Variants in IMPG1 observed in about 807,000 individuals in gnomAD.
IMPG1 encodes the protein interphotoreceptor matrix proteoglycan of 150 kDa.
A neutral mutation model predicts 92.0 loss-of-function variants in IMPG1; 85 were observed. The ratio of observed to expected loss-of-function variants is 0.92; its 90% CI spans 0.78 to 1.11. The LOEUF (loss-of-function observed/expected upper bound fraction) is 1.11. Among genes scored for constraint, IMPG1 ranks in the 50% least tolerant of loss-of-function variants. The pLI is 0.00. For synonymous variants in IMPG1, 367 were observed against 334.1 expected, an observed-to-expected ratio of 1.10 and a Z score of -1.08; for missense variants, 1,022 against 956.0, an observed-to-expected ratio of 1.07 and a Z score of -0.91.
intron 1 of IMPG1, 118 bp downstream of exon 1, chr6:76,072,304 A>T (rs938450673): frequency 7.8e-5 from 42 of 535,712 alleles, no homozygotes; most frequent in Middle Eastern, 3.4e-4. Context: ...TATTTATTCA[A>T]GGCCTACTAT....
At chr6:76,010,419 A>AT (rs1194606341) in intron 8 of IMPG1, among the ~76,000 whole-genome samples, 8 of 152,340 alleles carry the variant, frequency 5.3e-5, no homozygotes, top group Non-Finnish European at 7.3e-5. Context: ...ACAAAAAAAG[A>AT]TTTAAAAATT....
intron 12 of IMPG1, among the ~76,000 whole-genome samples, chr6:75,971,571 T>C (rs558538460): frequency 1.4e-4 from 22 of 152,212 alleles, no homozygotes; most frequent in Admixed American, 6.5e-5. Context: ...CCCCTTAATT[T>C]ACACATCCAT....
At chr6:75,962,912 G>A (rs1341062473) in intron 12 of IMPG1, among the ~76,000 whole-genome samples, 2 of 151,694 alleles carry the variant, frequency 1.3e-5, no homozygotes, top group East Asian at 1.9e-4. Flanking sequence ...GTGGTGGCAC[G>A]TGCCTGTAGT....
At chr6:75,947,262 TTA>T in intron 14 of IMPG1, 50 bp downstream of exon 14, 1 of 318,186 alleles carries the variant, frequency 3.1e-6, no homozygotes, top group Non-Finnish European at 4.2e-6. Context: ...CAGAACGAAA[TTA>T]AAAAAATGAA....
At chr6:75,992,976 T>A (rs1234998215) in intron 12 of IMPG1, among the ~76,000 whole-genome samples, 1 of 152,232 alleles carries the variant, frequency 6.6e-6, no homozygotes, top group Non-Finnish European at 1.5e-5. Context: ...AAAGTAGTAT[T>A]TATATTTTAT....
At chr6:76,057,352 G>A (rs979661526) in intron 1 of IMPG1, among the ~76,000 whole-genome samples, 4 of 152,186 alleles carry the variant, frequency 2.6e-5, no homozygotes, top group Admixed American at 2.0e-4. Context: ...CATATGCAAT[G>A]TGATGAGGCA....
At chr6:75,950,089 C>T (rs1020376239) in intron 13 of IMPG1, among the ~76,000 whole-genome samples, 3 of 152,122 alleles carry the variant, frequency 2.0e-5, no homozygotes, top group Non-Finnish European at 4.4e-5. Flanking sequence ...TGATAAACCA[C>T]TTAGTCATTT....
rs185114780 is a variant in IMPG1, at chr6:75,985,284, G to T, written c.1291+17634C>A. ...GGAAGGGAACCTTCCCACCAAAAAGGGACTTTAAAATGCTGCCCCTGGCAG... is the reference window on the plus strand; with the variant it reads ...GGAAGGGAACCTTCCCACCAAAAAGTGACTTTAAAATGCTGCCCCTGGCAG... On this transcript the variant is annotated intron_variant, in intron 12 of 16. Coordinates refer to ENST00000369950, the MANE Select transcript of IMPG1 (RefSeq NM_001563.4). 3.5e-4 allele frequency among the ~76,000 whole-genome samples: 54 copies of T among 152,256 alleles called. 1 individual carries two copies. In the East Asian group the frequency reaches 0.01, roughly 28 times the overall value.
chr6:75,963,057 A>G (rs1362977667), intron 12 of IMPG1, among the ~76,000 whole-genome samples: 2 of 152,102 alleles, frequency 1.3e-5, no homozygotes, highest in African/African-American at 4.8e-5. Flanking sequence ...AAAAAAAAAA[A>G]ATCACAGAAA....
At chr6:75,959,861 C>G (rs1782187141) in intron 12 of IMPG1, among the ~76,000 whole-genome samples, 1 of 152,142 alleles carries the variant, frequency 6.6e-6, no homozygotes, top group African/African-American at 2.4e-5. Context: ...GCCCCTTTTC[C>G]AGGGGAGTGA....
chr6:75,962,638 C>T (rs1782228652), intron 12 of IMPG1, among the ~76,000 whole-genome samples: 1 of 152,036 alleles, frequency 6.6e-6, no homozygotes, highest in Admixed American at 6.6e-5. Context: ...GACAGCGGTC[C>T]AAAAGTCCTA....
chr6:76,071,578 A>C (rs990945446), intron 1 of IMPG1, among the ~76,000 whole-genome samples: 1 of 152,014 alleles, frequency 6.6e-6, no homozygotes, highest in Non-Finnish European at 1.5e-5. Flanking sequence ...TGTGACTTAC[A>C]CATGCAATGA....
In IMPG1 at chr6:75,950,733, A is replaced by G. The variant is rs558675396; in HGVS notation, c.1653T>C (p.Thr551=). 1.2e-6 allele frequency: 2 copies of G among 1,614,006 alleles called. No homozygotes were observed. Among genetic ancestry groups the G allele is most frequent in the Non-Finnish European group, 1.7e-6 (2 of 1,179,912 alleles). The change falls in exon 13 of 17, where the codon ACT becomes ACC. Residue 551 remains threonine (T), a synonymous_variant. Transcript: ENST00000369950. ...SVPDHFLEDT[T]PVSALQYITT... ...TGATATACTGTAAAGCTGAGACAGGAGTGGTATCCTCCAAGAAATGATCTG... is the reference window on the plus strand; with the variant it reads ...TGATATACTGTAAAGCTGAGACAGGGGTGGTATCCTCCAAGAAATGATCTG...
At chr6:76,056,502 C>CA (rs144099266) in intron 1 of IMPG1, among the ~76,000 whole-genome samples, 3,943 of 152,222 alleles carry the variant, frequency 0.026, 145 homozygotes, top group African/African-American at 0.087. Context: ...AGCATGGAAG[C>CA]ACAGATATCT....
intron 2 of IMPG1, among the ~76,000 whole-genome samples, chr6:76,037,018 T>C (rs1783752181): frequency 2.0e-5 from 3 of 152,186 alleles, no homozygotes; most frequent in Admixed American, 1.3e-4. Context: ...ATTTGTAATA[T>C]GTTGATTTTT....
chr6:75,932,658 A>G lies in IMPG1; in HGVS notation c.2045-1507T>C, dbSNP rs142612979. On this transcript the variant is annotated intron_variant, in intron 14 of 16. Coordinates refer to ENST00000369950, the MANE Select transcript of IMPG1 (RefSeq NM_001563.4). ...CCATATCCCAAAGACATTTTTCCTTAGAATAATGAACTTATTCATGGGTAG... is the reference window on the plus strand; with the variant it reads ...CCATATCCCAAAGACATTTTTCCTTGGAATAATGAACTTATTCATGGGTAG... 4.4e-3 allele frequency among the ~76,000 whole-genome samples: 675 copies of G among 152,248 alleles called. 3 individuals carry two copies. The highest frequency in any genetic ancestry group is 0.016 in the African/African-American group (657 of 41,558).
intron 12 of IMPG1, among the ~76,000 whole-genome samples, chr6:75,982,556 T>TCTATCTAC (rs1782644635): frequency 6.7e-6 from 1 of 150,178 alleles, no homozygotes; most frequent in Non-Finnish European, 1.5e-5. Context: ...TATCTATCTA[T>TCTATCTAC]CTATCTATAT....
At chr6:75,976,097 A>G (rs749899926) in intron 12 of IMPG1, among the ~76,000 whole-genome samples, 6 of 152,200 alleles carry the variant, frequency 3.9e-5, no homozygotes, top group African/African-American at 9.6e-5. Context: ...TTTGGAACCA[A>G]TGATAACATC....
intron 5 of IMPG1, among the ~76,000 whole-genome samples, chr6:76,024,494 G>A (rs1783488718): frequency 6.6e-6 from 1 of 152,046 alleles, no homozygotes; most frequent in African/African-American, 2.4e-5. Flanking sequence ...TCTGCCTTTT[G>A]GCAAACTCTA....
Sources: gnomAD v4.1 joint callset for allele counts (sites outside exome capture counted in the v4.1 genomes callset) on GRCh38, gnomAD v4.1.1 for gene constraint, MANE v1.5 for transcripts, NCBI Gene and HGNC (gene_info 2026-07-23, HGNC 2026-07-21) for gene names.